OSBPL10: variants seen among roughly 807,000 people sequenced by gnomAD.
OSBPL10 encodes oxysterol binding protein like 10.
Under a neutral mutation model 81.7 loss-of-function variants are expected in OSBPL10, and 49 were observed. That is an observed-to-expected ratio of 0.60 (90% CI 0.48 to 0.76). The LOEUF is 0.76. Among genes scored for constraint, OSBPL10 ranks in the 30% least tolerant of loss-of-function variants. The pLI is 0.00. For missense variants in OSBPL10, 923 were observed against 987.8 expected, an observed-to-expected ratio of 0.93 and a Z score of 0.88; for synonymous variants, 419 against 383.6, an observed-to-expected ratio of 1.09 and a Z score of -1.08.
At chr3:31,795,559 A>G (rs1025867163) in intron 4 of OSBPL10, 1 of 188,020 alleles carries the variant, frequency 5.3e-6, no homozygotes, top group Non-Finnish European at 1.2e-5. Flanking sequence ...TAATACCTTC[A>G]GTAATCATCA....
chr3:31,775,753 A>T (rs2125758041), intron 4 of OSBPL10, among the ~76,000 whole-genome samples: 1 of 152,206 alleles, frequency 6.6e-6, no homozygotes, highest in Non-Finnish European at 1.5e-5. Context: ...AGGTAAGAGT[A>T]ATCTGGAATG....
intron 4 of OSBPL10, among the ~76,000 whole-genome samples, chr3:31,789,278 G>T (rs59394530): frequency 6.6e-6 from 1 of 152,172 alleles, no homozygotes; most frequent in South Asian, 2.1e-4. Context: ...ATATCCTGTA[G>T]ATTCTGTGGT....
At chr3:31,801,509 G>A (rs929974250) in intron 4 of OSBPL10, among the ~76,000 whole-genome samples, 2 of 152,208 alleles carry the variant, frequency 1.3e-5, no homozygotes, top group African/African-American at 4.8e-5. Flanking sequence ...GTGAGTGTGG[G>A]TGAAACAGAG....
chr3:32,060,364 A>G (rs1201792790), intron 1 of OSBPL10, among the ~76,000 whole-genome samples: 3 of 152,136 alleles, frequency 2.0e-5, no homozygotes, highest in Non-Finnish European at 4.4e-5. Context: ...AAGCTCATCC[A>G]TCTTTCTCTG....
At chr3:31,821,838 G>A (rs1214411715) in intron 4 of OSBPL10, among the ~76,000 whole-genome samples, 1 of 152,186 alleles carries the variant, frequency 6.6e-6, no homozygotes, top group Non-Finnish European at 1.5e-5. Flanking sequence ...CCTTAAAATT[G>A]ATCAGCTAAT....
At chr3:31,900,848 T>C (rs192749864) in intron 1 of OSBPL10, among the ~76,000 whole-genome samples, 1 of 152,336 alleles carries the variant, frequency 6.6e-6, no homozygotes, top group Admixed American at 6.5e-5. Flanking sequence ...ATGGAAACAT[T>C]TCTAAGTATT....
chr3:31,803,307 T>C (rs1314027166), intron 4 of OSBPL10, among the ~76,000 whole-genome samples: 1 of 152,132 alleles, frequency 6.6e-6, no homozygotes, highest in East Asian at 1.9e-4. Context: ...GGAGGAACAG[T>C]GATATCCAGC....
chr3:32,060,837 G>A (rs547217881), intron 1 of OSBPL10, among the ~76,000 whole-genome samples: 1 of 88,286 alleles, frequency 1.1e-5, no homozygotes, highest in African/African-American at 2.9e-5. Flanking sequence ...CAGCCGTGGT[G>A]GCAATCTCAG....
chr3:32,026,965 G>A (rs891822061), intron 2 of OSBPL10, among the ~76,000 whole-genome samples: 2 of 152,208 alleles, frequency 1.3e-5, no homozygotes, highest in African/African-American at 4.8e-5. Flanking sequence ...AACTTTGAAT[G>A]CTAGGACCCT....
chr3:31,850,973 T>C (rs1349948149), intron 3 of OSBPL10, among the ~76,000 whole-genome samples: 29 of 152,212 alleles, frequency 1.9e-4, no homozygotes, highest in Admixed American at 1.8e-3. Flanking sequence ...ATTTGGTTAT[T>C]AAGAAGTAAT....
At chr3:31,729,000 T>C (rs1440907161) in intron 6 of OSBPL10, among the ~76,000 whole-genome samples, 1 of 152,216 alleles carries the variant, frequency 6.6e-6, no homozygotes, top group Non-Finnish European at 1.5e-5. Context: ...ATTTTAGATT[T>C]TGAATTAGGG....
intron 1 of OSBPL10, among the ~76,000 whole-genome samples, chr3:31,967,154 GGAAAAAA>G (rs1303019631): frequency 1.3e-5 from 2 of 150,852 alleles, no homozygotes; most frequent in African/African-American, 4.9e-5. Flanking sequence ...ACCAAGGTCA[GGAAAAAA>G]AAAATCCCAT....
chr3:31,998,846 T>C (rs1437133795), intron 2 of OSBPL10, among the ~76,000 whole-genome samples: 3 of 152,220 alleles, frequency 2.0e-5, no homozygotes, highest in Admixed American at 1.3e-4. Context: ...ATGGAGAGTT[T>C]CCAACTAAAA....
At chr3:32,026,057 T>TAGATAGATAGATGATTGATA (rs58717718) in intron 2 of OSBPL10, among the ~76,000 whole-genome samples, 6 of 111,344 alleles carry the variant, frequency 5.4e-5, no homozygotes, top group African/African-American at 2.0e-4. Context: ...GATAGATAGA[T>TAGATAGATAGATGATTGATA]GATAGATAGA....
chr3:32,013,849 A>C (rs1234803708), intron 2 of OSBPL10, among the ~76,000 whole-genome samples: 7 of 152,236 alleles, frequency 4.6e-5, no homozygotes, highest in Non-Finnish European at 1.0e-4. Context: ...ATCTAGAAGA[A>C]ATGGATAAAT....
chr3:31,769,136 A>G (rs1409603112), intron 4 of OSBPL10, among the ~76,000 whole-genome samples: 1 of 152,154 alleles, frequency 6.6e-6, no homozygotes, highest in Non-Finnish European at 1.5e-5. Context: ...AAAACATGCA[A>G]GCATGAAATA....
In OSBPL10 at chr3:31,811,496, G is replaced by C. The variant is rs984016915; in HGVS notation, c.729+18544C>G. Reference sequence around the variant, plus strand: ...ATCACAGGGAGGGTTCTGGCCTGGAGCCTGTGCCTCAAAGAAAGGAGTGTT... The same window carrying C: ...ATCACAGGGAGGGTTCTGGCCTGGACCCTGTGCCTCAAAGAAAGGAGTGTT... On this transcript the variant is annotated intron_variant, in intron 4 of 11. Coordinates refer to ENST00000396556, the MANE Select transcript of OSBPL10 (RefSeq NM_017784.5). 7.2e-5 allele frequency among the ~76,000 whole-genome samples: 11 copies of C among 152,300 alleles called. No individual in the cohort carries two copies. The East Asian group carries it at 2.1e-3, about 29-fold the overall frequency.
At chr3:31,893,453 T>C (rs1475428380) in intron 1 of OSBPL10, among the ~76,000 whole-genome samples, 2 of 152,152 alleles carry the variant, frequency 1.3e-5, no homozygotes, top group Non-Finnish European at 2.9e-5. Flanking sequence ...CTTTCCACAC[T>C]CTTGGTAGGA....
intron 11 of OSBPL10, chr3:31,662,324 G>A: frequency 7.7e-7 from 1 of 1,294,104 alleles, no homozygotes; most frequent in South Asian, 2.4e-5. Flanking sequence ...ATGGCAGGAG[G>A]AAACCCCAAG....
Sources: gnomAD v4.1 joint callset for allele counts (sites outside exome capture counted in the v4.1 genomes callset) on GRCh38, gnomAD v4.1.1 for gene constraint, MANE v1.5 for transcripts, NCBI Gene and HGNC (gene_info 2026-07-23, HGNC 2026-07-21) for gene names.